CTDSP2: variants seen among roughly 807,000 people sequenced by gnomAD.
The protein encoded by CTDSP2 is carboxy-terminal domain RNA polymerase II polypeptide A small phosphatase 2.
A neutral mutation model predicts 31.6 loss-of-function variants in CTDSP2; 9 were observed. The ratio of observed to expected loss-of-function variants is 0.28; its 90% CI spans 0.17 to 0.50. The LOEUF (loss-of-function observed/expected upper bound fraction) is 0.50, where lower values mean the gene tolerates loss of function less well. Ranked by LOEUF, CTDSP2 falls within the 20% of genes least tolerant of loss-of-function variation. The probability of loss-of-function intolerance (pLI) is 0.98; values close to 1 mark genes in which losing one functional copy is unlikely to be tolerated. For missense variants in CTDSP2, 267 were observed against 348.5 expected (o/e 0.77, Z 1.86); for synonymous variants, 134 against 134.5 (o/e 1.00, Z 0.03).
At chr12:57,843,495 C>T (rs1956295019) in intron 1 of CTDSP2, among the ~76,000 whole-genome samples, 1 of 151,456 alleles carries the variant, frequency 6.6e-6, no homozygotes, top group Admixed American at 6.6e-5. Context: ...TCAACGCACC[C>T]AGACAGCCTT....
At chr12:57,825,599 C>A (rs1041197679) in intron 5 of CTDSP2, among the ~76,000 whole-genome samples, 20 of 152,366 alleles carry the variant, frequency 1.3e-4, no homozygotes, top group Middle Eastern at 6.8e-3. Context: ...TGGCGCTGGG[C>A]ATGGCAGGCC....
rs1956153452 is a variant in CTDSP2, at chr12:57,822,550, A to C, written c.*1052T>G. On this transcript the variant is annotated 3_prime_UTR_variant, in exon 8 of 8. Transcript: ENST00000398073. ...CACAACAGGAAAAGAGCCCTGCCCAAGAAATGGGAGGGGCTGGGACAGCTT... is the reference window on the plus strand; with the variant it reads ...CACAACAGGAAAAGAGCCCTGCCCACGAAATGGGAGGGGCTGGGACAGCTT... The C allele has an allele frequency of 6.6e-6, 1 of 152,380 alleles. No individual in the cohort carries two copies. The highest frequency in any genetic ancestry group is 1.5e-5 in the Non-Finnish European group (1 of 68,152). 9.4% of individuals were successfully genotyped at this position (152,380 alleles called of 1,614,324 possible).
At chr12:57,845,032 G>A (rs536772839) in intron 1 of CTDSP2, among the ~76,000 whole-genome samples, 3 of 152,176 alleles carry the variant, frequency 2.0e-5, no homozygotes, top group African/African-American at 7.2e-5. Flanking sequence ...CCAGGAATTA[G>A]TGACCTGCTG....
At chr12:57,827,678 C>T in intron 2 of CTDSP2, 88 bp from the exon 3 acceptor site, 1 of 1,345,658 alleles carries the variant, frequency 7.4e-7, no homozygotes, top group Non-Finnish European at 1.0e-6. Flanking sequence ...GCCTGGAGGG[C>T]AACTTTCTCC....
chr12:57,846,726 A>T lies in CTDSP2; in HGVS notation c.-291T>A. On this transcript the variant is annotated 5_prime_UTR_variant, in exon 1 of 8. In the 5' UTR this introduces an upstream ATG that the reference lacks. Transcript: ENST00000398073. The stretch of plus-strand genomic sequence containing the variant: ...ACATGGAGAATCCGGAGCGAAAACA[A>T]GAGGAGGAAATGGGACACGGGGCGG... The T allele has an allele frequency of 6.2e-6, 2 of 322,172 alleles. No homozygotes were observed. Among genetic ancestry groups the T allele is most frequent in the South Asian group, 9.1e-5 (1 of 10,970 alleles). 20.0% of individuals were successfully genotyped at this position (322,172 alleles called of 1,614,324 possible).
chr12:57,825,997 C>G (rs1956180398), intron 5 of CTDSP2, among the ~76,000 whole-genome samples: 1 of 152,122 alleles, frequency 6.6e-6, no homozygotes, highest in Non-Finnish European at 1.5e-5. Flanking sequence ...TCTTAAGGAA[C>G]AGAGAAATGT....
intron 1 of CTDSP2, 62 bp downstream of exon 1, chr12:57,846,310 G>A: frequency 2.0e-6 from 3 of 1,487,904 alleles, no homozygotes; most frequent in Admixed American, 3.8e-5. Flanking sequence ...TGGGTTCGGG[G>A]CTGTGCTAGC....
intron 1 of CTDSP2, among the ~76,000 whole-genome samples, chr12:57,840,764 G>A (rs1235364436): frequency 6.6e-6 from 1 of 151,970 alleles, no homozygotes; most frequent in Non-Finnish European, 1.5e-5. Context: ...TTGGGGGGAT[G>A]GGGGTGGGGG....
At chr12:57,826,545 T>C in intron 4 of CTDSP2, 143 bp from the exon 5 acceptor site, 1 of 705,760 alleles carries the variant, frequency 1.4e-6, no homozygotes, top group Non-Finnish European at 2.5e-6. Context: ...GTTCTCACCC[T>C]AGTTCAAGAT....
intron 1 of CTDSP2, among the ~76,000 whole-genome samples, chr12:57,844,180 G>T (rs142644170): frequency 1.3e-5 from 2 of 151,710 alleles, no homozygotes; most frequent in East Asian, 1.9e-4. Flanking sequence ...GGGCAACAGA[G>T]TAAGACTCCA....
intron 1 of CTDSP2, among the ~76,000 whole-genome samples, chr12:57,844,151 C>T (rs1164836161): frequency 6.6e-6 from 1 of 151,800 alleles, no homozygotes. Context: ...GCTGAGATTG[C>T]GCCACTGCAC....
chr12:57,844,165 A>G (rs1020358543), intron 1 of CTDSP2, among the ~76,000 whole-genome samples: 4 of 152,186 alleles, frequency 2.6e-5, no homozygotes. Context: ...ACTGCACTCT[A>G]GCCTGGGCAA....
At chr12:57,832,894 G>A (rs1325122139) in intron 1 of CTDSP2, among the ~76,000 whole-genome samples, 1 of 151,332 alleles carries the variant, frequency 6.6e-6, no homozygotes, top group Non-Finnish European at 1.5e-5. Flanking sequence ...TGCTGAAATT[G>A]GAGGGAAAGG....
chr12:57,846,648 G>A lies in CTDSP2; in HGVS notation c.-213C>T. The A allele has an allele frequency of 2.2e-6, 1 of 452,260 alleles. No homozygotes were observed. Among genetic ancestry groups the A allele is most frequent in the Non-Finnish European group, 3.9e-6 (1 of 259,034 alleles). 28.0% of individuals were successfully genotyped at this position (452,260 alleles called of 1,614,324 possible). On this transcript the variant is annotated 5_prime_UTR_variant, in exon 1 of 8. Transcript: ENST00000398073. ...GGCCCGGGCAGCGGCTCCCCCGGGT[G>A]CCCCCGGCCCCGATCCCCCAGCGGC... is the stretch of plus-strand genomic sequence containing the variant.
At chr12:57,846,278 C>T (rs1317654343) in intron 1 of CTDSP2, 94 bp downstream of exon 1, 1 of 1,208,304 alleles carries the variant, frequency 8.3e-7, no homozygotes, top group African/African-American at 1.6e-5. Context: ...GCTCTAAGCC[C>T]TGGAGGTCAA....
In CTDSP2 at chr12:57,820,708, T is replaced by G. The variant is rs1956139606; in HGVS notation, c.*2894A>C. The G allele has an allele frequency of 6.6e-6, 1 of 152,556 alleles. No individual in the cohort carries two copies. The highest frequency in any genetic ancestry group is 1.5e-5 in the Non-Finnish European group (1 of 68,014). The allele number at this position is 152,556 out of a possible 1,614,324, so 9.5% of individuals were successfully genotyped here. On this transcript the variant is annotated 3_prime_UTR_variant, in exon 8 of 8. Coordinates refer to ENST00000398073, the MANE Select transcript of CTDSP2 (RefSeq NM_005730.4). ...TGAAGGCAAATTCACTCAACCTCTC[T>G]AGTAAGGGACCCATGGGCCTACAGA...
At chr12:57,824,512 C>T in intron 5 of CTDSP2, 193 bp from the exon 6 acceptor site, 1 of 663,708 alleles carries the variant, frequency 1.5e-6, no homozygotes. Context: ...CCTCACCAGG[C>T]TTCCAATGGA....
chr12:57,846,661 A>T lies in CTDSP2; in HGVS notation c.-226T>A. 1 of 444,124 alleles carries T rather than the reference A, an allele frequency of 2.3e-6. No individual in the cohort carries two copies. The highest frequency in any genetic ancestry group is 4.1e-5 in the South Asian group (1 of 24,676). 27.5% of individuals were successfully genotyped at this position (444,124 alleles called of 1,614,324 possible). A position where few individuals can be genotyped will look rare whatever the true frequency, so the allele number is the denominator to read the frequency against. On this transcript the variant is annotated 5_prime_UTR_variant, in exon 1 of 8. Transcript: ENST00000398073. ...GCTCCCCCGGGTGCCCCCGGCCCCG[A>T]TCCCCCAGCGGCAGCTCCGGGCTCC...
intron 3 of CTDSP2, 126 bp from the exon 4 acceptor site, chr12:57,827,223 T>TA (rs1375287122): frequency 4.3e-6 from 3 of 692,964 alleles, no homozygotes; most frequent in Admixed American, 2.4e-5. Flanking sequence ...AGGCACCACT[T>TA]AAAGGCCAGG....
Sources: allele counts gnomAD v4.1 joint callset (sites outside exome capture counted in the v4.1 genomes callset), GRCh38; gene constraint gnomAD v4.1.1; transcripts MANE v1.5; gene names NCBI Gene and HGNC (gene_info 2026-07-23, HGNC 2026-07-21).